NHSL1: variants seen among roughly 807,000 people sequenced by gnomAD.
NHSL1 encodes the protein NHS-like protein 1.
NHSL1 carries 48 observed loss-of-function variants against 95.0 expected under a neutral mutation model. The ratio of observed to expected loss-of-function variants is 0.51; its 90% CI spans 0.40 to 0.64. The LOEUF (loss-of-function observed/expected upper bound fraction) is 0.64, where lower values mean the gene tolerates loss of function less well. NHSL1 is among the 30% of genes least tolerant of loss of function. The pLI is 0.00. For synonymous variants in NHSL1, 783 were observed against 833.9 expected (o/e 0.94, Z 1.05); for missense variants, 1,971 against 2,077.7 (o/e 0.95, Z 1.00).
At chr6:138,473,568 G>T in intron 2 of NHSL1, 135 bp from the exon 3 acceptor site, 2 of 992,960 alleles carry the variant, frequency 2.0e-6, no homozygotes, top group Non-Finnish European at 2.6e-6. Context: ...TTAAAATAAT[G>T]ATAAAAACAG....
chr6:138,557,445 CAA>C (rs1193040876), intron 1 of NHSL1, among the ~76,000 whole-genome samples: 1 of 152,144 alleles, frequency 6.6e-6, no homozygotes, highest in African/African-American at 2.4e-5. Context: ...AACACCAAGC[CAA>C]AGAGTGGTGG....
At chr6:138,462,002 AT>A (rs1333325167) in intron 3 of NHSL1, among the ~76,000 whole-genome samples, 1 of 152,202 alleles carries the variant, frequency 6.6e-6, no homozygotes, top group Non-Finnish European at 1.5e-5. Context: ...ACAGCAGGGC[AT>A]TACAATGGCG....
At chr6:138,557,131 A>ACAGTCAC (rs1783223094) in intron 1 of NHSL1, among the ~76,000 whole-genome samples, 1 of 152,240 alleles carries the variant, frequency 6.6e-6, no homozygotes, top group African/African-American at 2.4e-5. Context: ...ATGGCCAAAT[A>ACAGTCAC]CAGTCACCGG....
chr6:138,571,493 T>C (rs1246369129), intron 1 of NHSL1: 9 of 546,488 alleles, frequency 1.6e-5, no homozygotes, highest in Non-Finnish European at 2.9e-5. Flanking sequence ...ACAGCTACTT[T>C]ATCTTTCTTT....
rs1235602144 is a variant in NHSL1, at chr6:138,570,297, C to T, written c.202+1413G>A. Among the ~76,000 whole-genome samples the T allele has an allele frequency of 3.3e-5, 5 of 152,248 alleles. No homozygotes were observed. The East Asian group carries it at 7.7e-4, about 23-fold the overall frequency. ...TCAAAACTATACCCTCCTGCGACCACAGCACTACTGAATCCACCCTCCAAA... is the reference window on the plus strand; with the variant it reads ...TCAAAACTATACCCTCCTGCGACCATAGCACTACTGAATCCACCCTCCAAA... On this transcript the variant is annotated intron_variant, in intron 1 of 6. Coordinates refer to the NHSL1 transcript ENST00000427025.
intron 1 of NHSL1, among the ~76,000 whole-genome samples, chr6:138,585,220 G>A (rs1784116019): frequency 1.3e-5 from 2 of 152,326 alleles, no homozygotes; most frequent in East Asian, 1.9e-4. Context: ...TGTGTACAGG[G>A]AGCGAGAGGT....
At chr6:138,528,657 T>C (rs1008269801) in intron 1 of NHSL1, among the ~76,000 whole-genome samples, 2 of 152,206 alleles carry the variant, frequency 1.3e-5, no homozygotes, top group Admixed American at 6.5e-5. Context: ...ACAGACAAAA[T>C]TGTTCTCTAT....
intron 3 of NHSL1, among the ~76,000 whole-genome samples, chr6:138,470,097 T>C (rs989090706): frequency 6.6e-6 from 1 of 152,210 alleles, no homozygotes; most frequent in Non-Finnish European, 1.5e-5. Context: ...TTTATTTTAT[T>C]CTGAAACCAA....
chr6:138,682,720 G>A (rs1032963449), intron 1 of NHSL1, among the ~76,000 whole-genome samples: 2 of 152,030 alleles, frequency 1.3e-5, no homozygotes, highest in South Asian at 2.1e-4. Flanking sequence ...TCCCAAATTC[G>A]CCTCATTGGA....
At chr6:138,555,077 C>T (rs1783144168) in intron 1 of NHSL1, among the ~76,000 whole-genome samples, 1 of 152,136 alleles carries the variant, frequency 6.6e-6, no homozygotes, top group African/African-American at 2.4e-5. Flanking sequence ...TGGAGTCTTG[C>T]CACGGTGCAT....
intron 1 of NHSL1, among the ~76,000 whole-genome samples, chr6:138,689,573 C>G (rs1785633864): frequency 6.6e-6 from 1 of 152,168 alleles, no homozygotes; most frequent in South Asian, 2.1e-4. Context: ...CTGACATTCT[C>G]ACATCCTTTC....
At chr6:138,620,300 G>A (rs1448393716) in intron 1 of NHSL1, among the ~76,000 whole-genome samples, 1 of 152,142 alleles carries the variant, frequency 6.6e-6, no homozygotes, top group African/African-American at 2.4e-5. Flanking sequence ...CAACATCTGA[G>A]AAAGGCACAA....
chr6:138,688,248 G>A (rs942619479), intron 1 of NHSL1, among the ~76,000 whole-genome samples: 2 of 151,648 alleles, frequency 1.3e-5, no homozygotes, highest in Admixed American at 6.6e-5. Flanking sequence ...CACTCCACCC[G>A]GCCAAACAGT....
At chr6:138,485,446 T>TAAAA (rs768633258) in intron 2 of NHSL1, among the ~76,000 whole-genome samples, 3 of 115,540 alleles carry the variant, frequency 2.6e-5, no homozygotes, top group African/African-American at 9.5e-5. Flanking sequence ...TGCTTACCGT[T>TAAAA]AAAAAAAAAA....
intron 4 of NHSL1, among the ~76,000 whole-genome samples, chr6:138,445,010 C>G (rs563477703): frequency 6.6e-6 from 1 of 152,168 alleles, no homozygotes; most frequent in Non-Finnish European, 1.5e-5. Context: ...TCCTGAGTAG[C>G]ATTTTAAAGG....
rs141133798 is a variant in NHSL1, at chr6:138,426,447, G to C, written c.4086-1631C>G. ...TTCCTTGTTCTGTCACCTTGGACAAGTTAACATTTCTGACTGTGTATTTTT... is the reference window on the plus strand; with the variant it reads ...TTCCTTGTTCTGTCACCTTGGACAACTTAACATTTCTGACTGTGTATTTTT... On this transcript the variant is annotated intron_variant, in intron 7 of 7. Transcript: ENST00000343505. 5.9e-4 allele frequency among the ~76,000 whole-genome samples: 90 copies of C among 152,336 alleles called. 1 individual carries two copies. Among genetic ancestry groups the C allele is most frequent in the African/African-American group, 2.1e-3 (86 of 41,572 alleles).
At chr6:138,562,175 T>C (rs1322355131) in intron 1 of NHSL1, among the ~76,000 whole-genome samples, 1 of 152,230 alleles carries the variant, frequency 6.6e-6, no homozygotes, top group African/African-American at 2.4e-5. Context: ...CAATCACATT[T>C]ATTAAAACAG....
At chr6:138,651,746 C>T (rs750259223) in intron 1 of NHSL1, among the ~76,000 whole-genome samples, 5 of 152,140 alleles carry the variant, frequency 3.3e-5, no homozygotes, top group Non-Finnish European at 7.3e-5. Context: ...GAGCTCAAGG[C>T]GCTTACATGA....
chr6:138,625,792 C>A (rs1340330022), intron 1 of NHSL1, among the ~76,000 whole-genome samples: 2 of 152,096 alleles, frequency 1.3e-5, no homozygotes, highest in Non-Finnish European at 2.9e-5. Context: ...TAGGCACACA[C>A]CACCATGCCC....
Sources: allele counts gnomAD v4.1 joint callset (sites outside exome capture counted in the v4.1 genomes callset), GRCh38; gene constraint gnomAD v4.1.1; transcripts MANE v1.5; gene names NCBI Gene and HGNC (gene_info 2026-07-23, HGNC 2026-07-21).